Variants in BAHCC1 observed in about 807,000 individuals in gnomAD.
The protein encoded by BAHCC1 is BAH domain and coiled-coil containing 1.
A neutral mutation model predicts 88.2 loss-of-function variants in BAHCC1; 43 were observed. The ratio of observed to expected loss-of-function variants is 0.49; its 90% CI spans 0.38 to 0.63. The LOEUF (loss-of-function observed/expected upper bound fraction) is 0.63. Among genes scored for constraint, BAHCC1 ranks in the 20% least tolerant of loss-of-function variants. BAHCC1 has a pLI of 0.00. For synonymous variants in BAHCC1, 1,510 were observed against 745.5 expected (o/e 2.03, Z -16.71); for missense variants, 3,023 against 1,654.8 (o/e 1.83, Z -14.34).
Position 81,458,174 on chromosome 17 carries a change from G to C in BAHCC1, c.5051G>C (p.Arg1684Pro), listed in dbSNP as rs781864182. The C allele has an allele frequency of 1.4e-6, 1 of 719,450 alleles. No homozygotes were observed. The highest frequency in any genetic ancestry group is 2.6e-6 in the Non-Finnish European group (1 of 386,558). The allele number at this position is 719,450 out of a possible 1,614,324, so 44.6% of individuals were successfully genotyped here. A position where few individuals can be genotyped will look rare whatever the true frequency, so the allele number is the denominator to read the frequency against. ...KERQGLLGAC[R>P]LSSPESEVKI... ...CCTCTCCTTCCCACAGGGGCCTGCCGCCTGTCCAGCCCTGAGAGTGAGGTC... is the reference window on the plus strand; with the variant it reads ...CCTCTCCTTCCCACAGGGGCCTGCCCCCTGTCCAGCCCTGAGAGTGAGGTC... The change falls in exon 18 of 28, where the codon CGC becomes CCC. Residue 1684 changes from arginine (R) to proline (P), a missense_variant. Coordinates refer to ENST00000675386, the MANE Select transcript of BAHCC1 (RefSeq NM_001377448.1).
Position 81,441,828 on chromosome 17 carries a change from C to T in BAHCC1, c.482-3C>T, listed in dbSNP as rs782749686. On this transcript the variant is annotated splice_polypyrimidine_tract_variant and splice_region_variant and intron_variant, in intron 4 of 27. Transcript: ENST00000675386. ...CCATTGACCTTGGCTCTTTCCCACA[C>T]AGATAACTTCTACCTGCGCAACCTG... The T allele has an allele frequency of 6.1e-5, 39 of 640,784 alleles. No homozygotes were observed. Among genetic ancestry groups the T allele is most frequent in the South Asian group, 4.8e-4 (25 of 51,584 alleles). The allele number at this position is 640,784 out of a possible 1,614,324, so 39.7% of individuals were successfully genotyped here.
chr17:81,396,960 G>C (rs369534376), intron 1 of BAHCC1: 15 of 152,382 alleles, frequency 9.8e-5, no homozygotes, highest in African/African-American at 3.4e-4. Context: ...GCCTCTCCTG[G>C]AGCTGGGCTG....
chr17:81,446,526 CTTTTTTTTTTTTTTTTTTTTTTTTT>C (rs869297780), intron 10 of BAHCC1, among the ~76,000 whole-genome samples: 1 of 49,182 alleles, frequency 2.0e-5, no homozygotes, highest in African/African-American at 8.9e-5. Context: ...CTGCTCACAC[CTTTTTTTTTTTTTTTTTTTTTTTTT>C]TTTTTTTTTT....
intron 14 of BAHCC1, among the ~76,000 whole-genome samples, chr17:81,454,538 G>A (rs1303983801): frequency 4.1e-5 from 6 of 148,064 alleles, no homozygotes; most frequent in Non-Finnish European, 9.1e-5. Flanking sequence ...TCTGGACACC[G>A]CCCCCACCCC....
intron 11 of BAHCC1, 114 bp downstream of exon 11, chr17:81,447,962 G>A (rs555702325): frequency 1.5e-6 from 1 of 661,280 alleles, no homozygotes; most frequent in African/African-American, 1.8e-5. Context: ...TGTCCCCAAA[G>A]TGTGGTAGGT....
At chr17:81,428,123 C>G (rs1268743343) in intron 3 of BAHCC1, among the ~76,000 whole-genome samples, 4 of 152,116 alleles carry the variant, frequency 2.6e-5, no homozygotes, top group African/African-American at 9.7e-5. Context: ...ATGGGGTCCT[C>G]GGTCCAGACT....
At chr17:81,410,284 C>T (rs2143256939) in intron 2 of BAHCC1, among the ~76,000 whole-genome samples, 1 of 152,256 alleles carries the variant, frequency 6.6e-6, no homozygotes, top group South Asian at 2.1e-4. Context: ...GGTGGGGCCT[C>T]CCCCCTGGGC....
At chr17:81,432,687 A>C (rs1435047105) in intron 3 of BAHCC1, among the ~76,000 whole-genome samples, 1 of 25,274 alleles carries the variant, frequency 4.0e-5, no homozygotes. Flanking sequence ...CCCCGGGCCC[A>C]CCCTCCCCCG....
chr17:81,405,036 G>A (rs898651312), intron 2 of BAHCC1, among the ~76,000 whole-genome samples: 1 of 152,128 alleles, frequency 6.6e-6, no homozygotes, highest in Non-Finnish European at 1.5e-5. Context: ...TAGTAGCATC[G>A]TCTGGTGTGT....
Position 81,399,829 on chromosome 17 carries a change from C to G in BAHCC1, c.90C>G (p.Leu30=). Residue 30 remains leucine (L), a synonymous_variant, in exon 2 of 28, where the codon CTC becomes CTG. Coordinates refer to ENST00000675386, the MANE Select transcript of BAHCC1 (RefSeq NM_001377448.1). The surrounding 1 kb of genome is among the most constrained non-coding windows in gnomAD (Gnocchi z 4.5). The part of the protein sequence containing the change: ...GHRSAAAAAR[L]APAGPAAQPP... ...GCAGCGCCGCTGCCGCCGCGCGTCT[C>G]GCCCCGGCTGGGCCCGCCGCGCAGC... 2 of 1,341,614 alleles carry G rather than the reference C, an allele frequency of 1.5e-6. No individual in the cohort carries two copies. Among genetic ancestry groups the G allele is most frequent in the Non-Finnish European group, 1.9e-6 (2 of 1,047,464 alleles). The allele number at this position is 1,341,614 out of a possible 1,614,324, so 83.1% of individuals were successfully genotyped here.
chr17:81,459,856 G>T (rs1046499426), intron 23 of BAHCC1, among the ~76,000 whole-genome samples: 3 of 152,142 alleles, frequency 2.0e-5, no homozygotes, highest in Admixed American at 6.5e-5. Context: ...CACTGCTGCT[G>T]GGGGTCACAG....
intron 11 of BAHCC1, among the ~76,000 whole-genome samples, chr17:81,450,618 G>T (rs1309322866): frequency 6.6e-6 from 1 of 152,232 alleles, no homozygotes; most frequent in Non-Finnish European, 1.5e-5. Context: ...TGCTGGAAAG[G>T]GCTTGGCAGA....
At position 81,447,492 on chromosome 17, in the gene BAHCC1, C is replaced by T. The variant is rs782651845; in HGVS notation, c.3620C>T (p.Ala1207Val). ...TCCTCCCAAGTCCTGGAGCAGCGAG[C>T]AGGGAGTCCGGGTGCCCTTGAGGAC... ...GASSQVLEQR[A>V]GSPGALEDEG... Residue 1207 changes from alanine (A) to valine (V), a missense_variant, in exon 11 of 28, where the codon GCA (alanine) becomes GTA (valine). Coordinates refer to ENST00000675386, the MANE Select transcript of BAHCC1 (RefSeq NM_001377448.1). 2.8e-5 allele frequency: 21 copies of T among 745,284 alleles called. No individual in the cohort carries two copies. Among genetic ancestry groups the T allele is most frequent in the Non-Finnish European group, 4.2e-5 (17 of 401,018 alleles). The allele number at this position is 745,284 out of a possible 1,614,324, so 46.2% of individuals were successfully genotyped here.
In BAHCC1 at chr17:81,411,345, G is replaced by T. The variant is rs2063947762; in HGVS notation, c.178+11428G>T. ...GCCCAGGCCCCTGAGAGTGAGGCTGGAGAGACGGGAGGCACCGGTGCCCTG... is the reference window on the plus strand; with the variant it reads ...GCCCAGGCCCCTGAGAGTGAGGCTGTAGAGACGGGAGGCACCGGTGCCCTG... On this transcript the variant is annotated intron_variant, in intron 2 of 27. Coordinates refer to ENST00000675386, the MANE Select transcript of BAHCC1 (RefSeq NM_001377448.1). The surrounding 1 kb of genome is among the most constrained non-coding windows in gnomAD (Gnocchi z 6.2). Among the ~76,000 whole-genome samples the T allele has an allele frequency of 6.6e-6, 1 of 151,764 alleles. No homozygotes were observed. The highest frequency in any genetic ancestry group is 2.4e-5 in the African/African-American group (1 of 41,304).
intron 2 of BAHCC1, among the ~76,000 whole-genome samples, chr17:81,405,987 GGTA>G (rs1369317942): frequency 2.0e-5 from 3 of 152,206 alleles, no homozygotes; most frequent in African/African-American, 7.2e-5. Context: ...ACTCCTCCTG[GGTA>G]GCAGCAGGGC....
At chr17:81,443,654 C>T (rs2064467128) in intron 5 of BAHCC1, 90 bp downstream of exon 5, 1 of 628,900 alleles carries the variant, frequency 1.6e-6, no homozygotes, top group South Asian at 1.8e-5. Context: ...CCAGCTCCCA[C>T]ACCTGCCCTT....
At chr17:81,430,602 G>A (rs1259219502) in intron 3 of BAHCC1, among the ~76,000 whole-genome samples, 1 of 152,202 alleles carries the variant, frequency 6.6e-6, no homozygotes, top group African/African-American at 2.4e-5. Flanking sequence ...TGGTGCTGCT[G>A]GGAGTGAGCA....
chr17:81,423,230 G>A (rs553705208), intron 2 of BAHCC1, among the ~76,000 whole-genome samples: 8 of 152,280 alleles, frequency 5.3e-5, no homozygotes, highest in African/African-American at 1.9e-4. Context: ...GACTGGGAGA[G>A]GCCCCTTGAG....
chr17:81,409,890 C>T (rs1324615179), intron 2 of BAHCC1, among the ~76,000 whole-genome samples: 3 of 152,194 alleles, frequency 2.0e-5, no homozygotes, highest in Non-Finnish European at 4.4e-5. Context: ...TGGGTTTTGC[C>T]TTCCAGTCTT....
Sources: gnomAD v4.1 joint callset for allele counts (sites outside exome capture counted in the v4.1 genomes callset) on GRCh38, gnomAD v4.1.1 for gene constraint, Gnocchi (gnomAD v3.1) non-coding constraint, MANE v1.5 for transcripts, NCBI Gene and HGNC (gene_info 2026-07-23, HGNC 2026-07-21) for gene names.